ARID5B: variants seen among roughly 807,000 people sequenced by gnomAD.
The protein encoded by ARID5B is AT-rich interactive domain-containing protein 5B.
ARID5B carries 13 observed loss-of-function variants against 97.2 expected under a neutral mutation model. The ratio of observed to expected loss-of-function variants is 0.13; its 90% CI spans 0.09 to 0.21. ARID5B has a LOEUF of 0.21. ARID5B is among the 10% of genes least tolerant of loss of function. ARID5B has a pLI of 1.00. For missense variants in ARID5B, 1,210 were observed against 1,465.3 expected, an observed-to-expected ratio of 0.83 and a Z score of 2.84; for synonymous variants, 556 against 570.3, an observed-to-expected ratio of 0.97 and a Z score of 0.36.
chr10:61,974,924 G>A (rs926527019), intron 3 of ARID5B, among the ~76,000 whole-genome samples: 2 of 150,730 alleles, frequency 1.3e-5, no homozygotes, highest in African/African-American at 2.5e-5. Context: ...CTGGGGTCTC[G>A]GGGGCAGATA....
At chr10:61,910,641 G>A (rs1273399618) in intron 2 of ARID5B, among the ~76,000 whole-genome samples, 2 of 152,178 alleles carry the variant, frequency 1.3e-5, no homozygotes, top group Non-Finnish European at 2.9e-5. Context: ...CCTGGACTAT[G>A]AGCATCAGTA....
At chr10:61,987,668 A>G (rs1351199881) in intron 3 of ARID5B, among the ~76,000 whole-genome samples, 1 of 152,270 alleles carries the variant, frequency 6.6e-6, no homozygotes, top group Non-Finnish European at 1.5e-5. Flanking sequence ...GCAGCCAAAG[A>G]CAATATGTAA....
chr10:61,930,548 G>A (rs368051732), intron 2 of ARID5B, among the ~76,000 whole-genome samples: 7 of 151,760 alleles, frequency 4.6e-5, no homozygotes, highest in African/African-American at 1.5e-4. Flanking sequence ...GTGAAACTCC[G>A]TCTCTACTAA....
intron 4 of ARID5B, among the ~76,000 whole-genome samples, chr10:62,001,081 C>T (rs1265527707): frequency 6.6e-6 from 1 of 152,172 alleles, no homozygotes; most frequent in African/African-American, 2.4e-5. Flanking sequence ...TTACACGGTG[C>T]AGTAGATGGC....
At chr10:61,988,143 A>G (rs1404332403) in intron 3 of ARID5B, among the ~76,000 whole-genome samples, 1 of 152,258 alleles carries the variant, frequency 6.6e-6, no homozygotes, top group Non-Finnish European at 1.5e-5. Flanking sequence ...GTGACAGCAC[A>G]TTAGAAGGTG....
chr10:61,902,487 T>G, intron 2 of ARID5B, 74 bp downstream of exon 2: 1 of 1,558,454 alleles, frequency 6.4e-7, no homozygotes, highest in African/African-American at 1.4e-5. Flanking sequence ...CAGGGCAAGC[T>G]TGAAAATACT....
intron 3 of ARID5B, among the ~76,000 whole-genome samples, chr10:61,970,707 C>T (rs560524930): frequency 6.6e-6 from 1 of 152,168 alleles, no homozygotes; most frequent in South Asian, 2.1e-4. Context: ...AAAATGAAAC[C>T]TGTGATTCAT....
intron 9 of ARID5B, among the ~76,000 whole-genome samples, chr10:62,087,702 C>G (rs923191280): frequency 6.6e-6 from 1 of 152,116 alleles, no homozygotes; most frequent in Non-Finnish European, 1.5e-5. Context: ...ATGTACAACA[C>G]GCACCAACCT....
intron 5 of ARID5B, among the ~76,000 whole-genome samples, chr10:62,054,129 A>G (rs572356010): frequency 3.3e-5 from 5 of 152,318 alleles, no homozygotes; most frequent in African/African-American, 1.2e-4. Context: ...TGGAAACCCC[A>G]AAGTACTTAG....
chr10:61,931,810 AATT>A (rs1449927847), intron 2 of ARID5B, among the ~76,000 whole-genome samples: 1 of 152,214 alleles, frequency 6.6e-6, no homozygotes, highest in Non-Finnish European at 1.5e-5. Context: ...TTAGGATAAT[AATT>A]ATTAATTATT....
chr10:61,976,858 CTTTT>C (rs11332367), intron 3 of ARID5B, among the ~76,000 whole-genome samples: 1 of 145,256 alleles, frequency 6.9e-6, no homozygotes, highest in Non-Finnish European at 1.5e-5. Context: ...AACTTTCTTT[CTTTT>C]TTTTTTTTTT....
intron 7 of ARID5B, among the ~76,000 whole-genome samples, chr10:62,062,114 T>G (rs1309469350): frequency 6.6e-6 from 1 of 152,204 alleles, no homozygotes; most frequent in South Asian, 2.1e-4. Flanking sequence ...ATATTTTGAC[T>G]AATAAAACTG....
intron 4 of ARID5B, among the ~76,000 whole-genome samples, chr10:62,032,568 A>G (rs577748500): frequency 6.6e-6 from 1 of 152,146 alleles, no homozygotes; most frequent in African/African-American, 2.4e-5. Context: ...TACAAAAATT[A>G]GCCGGGCGTG....
chr10:62,023,367 ATTG>A (rs1208558889), intron 4 of ARID5B, among the ~76,000 whole-genome samples: 1 of 152,190 alleles, frequency 6.6e-6, no homozygotes, highest in Admixed American at 6.5e-5. Context: ...TGAAAGAAGT[ATTG>A]TTATCTTGAG....
rs191380370 is a variant in ARID5B at position 61,913,515 on chromosome 10, C to T, written c.276+11102C>T. ...GAACTAGAGAGTGACAGAAGTGGAA[C>T]TAGGATTCAGTGTTCTCAGGCACCA... is the stretch of plus-strand genomic sequence containing the variant. On this transcript the variant is annotated intron_variant, in intron 2 of 9. Coordinates refer to ENST00000279873, the MANE Select transcript of ARID5B (RefSeq NM_032199.3). 3.6e-3 allele frequency among the ~76,000 whole-genome samples: 549 copies of T among 152,272 alleles called. 5 individuals carry two copies. The highest frequency in any genetic ancestry group is 6.4e-3 in the Non-Finnish European group (432 of 68,028).
rs575596525 is a variant in ARID5B at position 62,069,108 on chromosome 10, A to T, written c.1102-592A>T. ...TTTTGGTGGTTAGAGAAGCTGGCATAAAAATATAGCCTGAAATGACTATAA... is the reference window on the plus strand; with the variant it reads ...TTTTGGTGGTTAGAGAAGCTGGCATTAAAATATAGCCTGAAATGACTATAA... On this transcript the variant is annotated intron_variant, in intron 7 of 9. Coordinates refer to ENST00000279873, the MANE Select transcript of ARID5B (RefSeq NM_032199.3). Among the ~76,000 whole-genome samples the T allele has an allele frequency of 1.7e-4, 26 of 152,376 alleles. No homozygotes were observed. In the East Asian group the frequency reaches 4.8e-3, roughly 28 times the overall value.
chr10:61,948,187 G>C (rs576927501), intron 3 of ARID5B, among the ~76,000 whole-genome samples: 81 of 152,128 alleles, frequency 5.3e-4, no homozygotes, highest in Non-Finnish European at 1.1e-3. Context: ...GAGTAATGGA[G>C]TACAAGAATC....
At chr10:62,001,672 G>C (rs1839081676) in intron 4 of ARID5B, among the ~76,000 whole-genome samples, 1 of 152,176 alleles carries the variant, frequency 6.6e-6, no homozygotes, top group Non-Finnish European at 1.5e-5. Flanking sequence ...AGGAAGGGAA[G>C]ACAGAGAGAG....
chr10:62,024,656 A>G (rs116963617), intron 4 of ARID5B: 7,775 of 383,446 alleles, frequency 0.02, 86 homozygotes, highest in Non-Finnish European at 0.025. Flanking sequence ...ATATTTTCTG[A>G]TTTTTTTTTC....
Sources: allele counts gnomAD v4.1 joint callset (sites outside exome capture counted in the v4.1 genomes callset), GRCh38; gene constraint gnomAD v4.1.1; transcripts MANE v1.5; gene names NCBI Gene and HGNC (gene_info 2026-07-23, HGNC 2026-07-21).